PTCHD4: variants seen among roughly 807,000 people sequenced by gnomAD.
The protein encoded by PTCHD4 is patched domain containing 4.
A neutral mutation model predicts 58.1 loss-of-function variants in PTCHD4; 33 were observed. The ratio of observed to expected loss-of-function variants is 0.57; its 90% CI spans 0.43 to 0.76. The LOEUF is 0.76. Among genes scored for constraint, PTCHD4 ranks in the 30% least tolerant of loss-of-function variants. The pLI is 0.00. For missense variants in PTCHD4, 1,058 were observed against 1,027.1 expected (o/e 1.03, Z -0.41); for synonymous variants, 478 against 409.6 (o/e 1.17, Z -2.02).
chr6:48,102,277 C>T (rs972458384), intron 1 of PTCHD4, among the ~76,000 whole-genome samples: 1 of 152,194 alleles, frequency 6.6e-6, no homozygotes, highest in African/African-American at 2.4e-5. Context: ...AAACTCCTGA[C>T]CCTTTAATAG....
rs900127657 is a variant in PTCHD4, at chr6:47,878,642, G to A, written c.2193C>T (p.Phe731=). ...TGTGCTCAGTTGCTAATACAAATGT[G>A]AAAAGCAGTGGTGCACAGTGGTCAA... ...FAIDHCAPLL[F]TFVLATEHTR... Residue 731 remains phenylalanine (F), a synonymous_variant, in exon 5 of 5, where the codon TTC becomes TTT. Coordinates refer to ENST00000339488, the MANE Select transcript of PTCHD4 (RefSeq NM_001384253.1). 3.1e-6 allele frequency: 5 copies of A among 1,613,488 alleles called. No homozygotes were observed. In the African/African-American group the frequency reaches 6.7e-5, roughly 22 times the overall value.
intron 4 of PTCHD4, among the ~76,000 whole-genome samples, chr6:47,990,866 A>C (rs1017662220): frequency 1.3e-5 from 2 of 152,210 alleles, no homozygotes; most frequent in South Asian, 4.1e-4. Context: ...AATATTTTAA[A>C]ATTTAATGAA....
chr6:48,088,639 T>C (rs1765307096), intron 1 of PTCHD4, among the ~76,000 whole-genome samples: 2 of 152,222 alleles, frequency 1.3e-5, no homozygotes, highest in Admixed American at 1.3e-4. Context: ...AAGCATTCGA[T>C]GAACTAAAAC....
chr6:48,045,632 A>G (rs114316386), intron 3 of PTCHD4, among the ~76,000 whole-genome samples: 1,758 of 151,982 alleles, frequency 0.012, 32 homozygotes, highest in African/African-American at 0.038. Flanking sequence ...CCAGTGATGT[A>G]TAGGATATTT....
At chr6:48,034,803 C>T (rs908517711) in intron 3 of PTCHD4, among the ~76,000 whole-genome samples, 2 of 152,084 alleles carry the variant, frequency 1.3e-5, no homozygotes, top group Non-Finnish European at 2.9e-5. Context: ...CCTTAATCTC[C>T]TCACTTCCTA....
In PTCHD4 at chr6:47,876,040, G is replaced by C. The variant is rs967053949; in HGVS notation, c.*2263C>G. Among the ~76,000 whole-genome samples the C allele has an allele frequency of 6.6e-6, 1 of 151,508 alleles. No individual in the cohort carries two copies. The highest frequency in any genetic ancestry group is 2.4e-5 in the African/African-American group (1 of 41,340). On this transcript the variant is annotated 3_prime_UTR_variant, in exon 5 of 5. Transcript: ENST00000339488. ...AATCTTTACAAATGATGGGTAATCT[G>C]TAAGAGGAATTCTCCTCCTCCCTGC...
At chr6:47,902,047 A>G (rs1445611184) in intron 4 of PTCHD4, 6 of 555,742 alleles carry the variant, frequency 1.1e-5, no homozygotes, top group Non-Finnish European at 1.8e-5. Flanking sequence ...AGTTATCACC[A>G]TCATCAACAA....
At position 47,878,318 on chromosome 6, in the gene PTCHD4, G is replaced by A. The variant is rs982398738; in HGVS notation, c.2517C>T (p.His839=). The change falls in exon 5 of 5, where the codon CAC becomes CAT. Residue 839 remains histidine, a synonymous_variant. Coordinates refer to ENST00000339488, the MANE Select transcript of PTCHD4 (RefSeq NM_001384253.1). ...TCTATACCCCTCATACTGTGGTGAC[G>A]TGATCCGGGTTCTCTTGAATTTCTA... ...ECIEIQENPD[H]VTTV The A allele has an allele frequency of 8.1e-6, 13 of 1,596,398 alleles. No individual in the cohort carries two copies. Among genetic ancestry groups the A allele is most frequent in the Middle Eastern group, 1.7e-4 (1 of 5,958 alleles).
intron 1 of PTCHD4, among the ~76,000 whole-genome samples, chr6:48,079,751 C>T (rs1765127478): frequency 1.3e-5 from 2 of 151,714 alleles, no homozygotes; most frequent in South Asian, 2.1e-4. Context: ...GCTATTATTG[C>T]CTATACCTGG....
intron 4 of PTCHD4, among the ~76,000 whole-genome samples, chr6:47,983,857 A>G (rs1347394278): frequency 6.6e-6 from 1 of 152,200 alleles, no homozygotes; most frequent in Non-Finnish European, 1.5e-5. Flanking sequence ...AATCATAAAT[A>G]TCAAACATTT....
chr6:47,922,602 T>A (rs769751895), intron 4 of PTCHD4, among the ~76,000 whole-genome samples: 4 of 152,226 alleles, frequency 2.6e-5, no homozygotes, highest in Admixed American at 6.5e-5. Flanking sequence ...GCATATGGCT[T>A]GGCAAGTGGA....
intron 4 of PTCHD4, among the ~76,000 whole-genome samples, chr6:47,989,913 C>A (rs866440336): frequency 6.6e-6 from 1 of 152,116 alleles, no homozygotes; most frequent in Non-Finnish European, 1.5e-5. Context: ...TAGCTTGCAC[C>A]ATGCACCTGG....
At chr6:47,880,590 C>A (rs1424495593) in intron 4 of PTCHD4, among the ~76,000 whole-genome samples, 3 of 151,890 alleles carry the variant, frequency 2.0e-5, no homozygotes, top group Admixed American at 6.6e-5. Context: ...GGTGAAAAAT[C>A]TTAGCAAGCA....
At chr6:48,049,547 T>G (rs1273004422) in intron 3 of PTCHD4, among the ~76,000 whole-genome samples, 1 of 151,932 alleles carries the variant, frequency 6.6e-6, no homozygotes, top group Non-Finnish European at 1.5e-5. Context: ...TGTTCTTGCA[T>G]TTCTCCACCT....
At chr6:48,011,857 A>G (rs538745779) in intron 3 of PTCHD4, among the ~76,000 whole-genome samples, 409 of 152,152 alleles carry the variant, frequency 2.7e-3, no homozygotes, top group African/African-American at 9.4e-3. Context: ...TGTTTTTGTC[A>G]GGTTTGTCAA....
chr6:48,079,114 T>A (rs1200473266), intron 1 of PTCHD4, among the ~76,000 whole-genome samples: 16 of 82,118 alleles, frequency 1.9e-4, no homozygotes, highest in South Asian at 3.7e-4. Context: ...CGAAATTCCA[T>A]CACAAAAAAA....
chr6:47,890,151 ATG>A (rs1230189569), intron 4 of PTCHD4, among the ~76,000 whole-genome samples: 1 of 151,552 alleles, frequency 6.6e-6, no homozygotes, highest in Non-Finnish European at 1.5e-5. Flanking sequence ...TTATGTATGC[ATG>A]TGTGTCTGTG....
chr6:48,031,115 A>G (rs1488900660), intron 3 of PTCHD4, among the ~76,000 whole-genome samples: 1 of 152,022 alleles, frequency 6.6e-6, no homozygotes, highest in African/African-American at 2.4e-5. Flanking sequence ...TTTCTTGTAA[A>G]ATTCAATTTT....
chr6:48,056,619 G>T (rs968542910), intron 3 of PTCHD4, among the ~76,000 whole-genome samples: 4 of 152,188 alleles, frequency 2.6e-5, no homozygotes, highest in Non-Finnish European at 5.9e-5. Context: ...GTATACAAAA[G>T]AGGTCATATT....
Sources: allele counts gnomAD v4.1 joint callset (sites outside exome capture counted in the v4.1 genomes callset), GRCh38; gene constraint gnomAD v4.1.1; transcripts MANE v1.5; gene names NCBI Gene and HGNC (gene_info 2026-07-23, HGNC 2026-07-21).